The following NRCAM variants were observed in gnomAD, a reference collection of about 807,000 sequenced individuals.
NRCAM encodes the protein neuronal cell adhesion molecule.
Under a neutral mutation model 156.5 loss-of-function variants are expected in NRCAM, and 83 were observed. The ratio of observed to expected loss-of-function variants is 0.53; its 90% CI spans 0.44 to 0.64. NRCAM has a LOEUF of 0.64. NRCAM is among the 30% of genes least tolerant of loss of function. NRCAM has a pLI of 0.00. For synonymous variants in NRCAM, 538 were observed against 563.9 expected, an observed-to-expected ratio of 0.95 and a Z score of 0.65; for missense variants, 1,417 against 1,597.3, an observed-to-expected ratio of 0.89 and a Z score of 1.92.
intron 25 of NRCAM, among the ~76,000 whole-genome samples, chr7:108,179,834 T>C (rs1205891142): frequency 6.6e-6 from 1 of 152,226 alleles, no homozygotes; most frequent in East Asian, 1.9e-4. Flanking sequence ...CCAGGTGTTT[T>C]TGTTAGGTTA....
At chr7:108,210,988 G>C (rs942644416) in intron 11 of NRCAM, among the ~76,000 whole-genome samples, 3 of 152,208 alleles carry the variant, frequency 2.0e-5, no homozygotes, top group Admixed American at 1.3e-4. Flanking sequence ...GCATGTGGAG[G>C]CTTGCATCGT....
At position 108,356,182 on chromosome 7, in the gene NRCAM, C is replaced by T. The variant is rs9969259; in HGVS notation, c.-174+43254G>A. Among the ~76,000 whole-genome samples the T allele has an allele frequency of 5.3e-3, 805 of 152,222 alleles. 7 individuals carry two copies. Among genetic ancestry groups the T allele is most frequent in the African/African-American group, 0.018 (754 of 41,524 alleles). The stretch of plus-strand genomic sequence containing the variant: ...CAGGCTGGTCTCGAACTCCTGACCT[C>T]GTGATCTGCCTGCCTTGGCCTCCCA... On this transcript the variant is annotated intron_variant, in intron 2 of 32. Transcript: ENST00000379028.
chr7:108,430,957 T>C (rs1461116511), intron 1 of NRCAM, among the ~76,000 whole-genome samples: 1 of 152,180 alleles, frequency 6.6e-6, no homozygotes, highest in African/African-American at 2.4e-5. Context: ...TGAAAATCCA[T>C]AAGCTCCAGG....
At chr7:108,280,736 C>A (rs1047222426) in intron 3 of NRCAM, among the ~76,000 whole-genome samples, 7 of 152,146 alleles carry the variant, frequency 4.6e-5, no homozygotes, top group Non-Finnish European at 8.8e-5. Flanking sequence ...GGCAACACAG[C>A]GCAGCTGTTA....
At position 108,185,774 on chromosome 7, in the gene NRCAM, T is replaced by C. The variant is rs140656914; in HGVS notation, c.2036-1160A>G. Reference sequence around the variant, plus strand: ...AAGAATAGGGCTGTTCCATACGTACTGAAATGGAATGATTTCTAAAGTGTA... The same window carrying C: ...AAGAATAGGGCTGTTCCATACGTACCGAAATGGAATGATTTCTAAAGTGTA... On this transcript the variant is annotated intron_variant, in intron 20 of 32. Coordinates refer to ENST00000379028, the MANE Select transcript of NRCAM (RefSeq NM_001037132.4). Among the ~76,000 whole-genome samples the C allele has an allele frequency of 3.1e-3, 470 of 150,846 alleles. 4 individuals are homozygous for C. The highest frequency in any genetic ancestry group is 4.7e-3 in the Non-Finnish European group (322 of 67,830).
At chr7:108,226,729 T>G (rs2093525231) in intron 8 of NRCAM, among the ~76,000 whole-genome samples, 1 of 152,198 alleles carries the variant, frequency 6.6e-6, no homozygotes, top group Non-Finnish European at 1.5e-5. Flanking sequence ...TAAGTACACA[T>G]ACACATATAT....
At chr7:108,198,504 A>G (rs1338022718) in intron 13 of NRCAM, among the ~76,000 whole-genome samples, 1 of 152,128 alleles carries the variant, frequency 6.6e-6, no homozygotes, top group Non-Finnish European at 1.5e-5. Context: ...TGAGAGATGC[A>G]GAAAAAAAAC....
chr7:108,384,209 T>A (rs1449666958), intron 2 of NRCAM, among the ~76,000 whole-genome samples: 2 of 152,042 alleles, frequency 1.3e-5, no homozygotes, highest in Non-Finnish European at 2.9e-5. Context: ...TGTTTACCTA[T>A]GTAACAAACC....
intron 20 of NRCAM, 59 bp downstream of exon 20, chr7:108,189,586 A>G: frequency 1.3e-6 from 1 of 765,544 alleles, no homozygotes; most frequent in South Asian, 1.5e-5. Context: ...TGACTGTTAC[A>G]AAGTGCTTCA....
intron 13 of NRCAM, among the ~76,000 whole-genome samples, chr7:108,198,800 G>T (rs2076461057): frequency 6.6e-6 from 1 of 152,166 alleles, no homozygotes; most frequent in Admixed American, 6.5e-5. Flanking sequence ...TAAATAAATT[G>T]TGTAAATTCC....
chr7:108,339,115 T>A (rs2099244808), intron 2 of NRCAM, among the ~76,000 whole-genome samples: 2 of 152,238 alleles, frequency 1.3e-5, no homozygotes, highest in African/African-American at 4.8e-5. Context: ...TTAACACTAA[T>A]CACTGATAAT....
intron 3 of NRCAM, among the ~76,000 whole-genome samples, chr7:108,286,426 T>A (rs544900729): frequency 2.7e-4 from 40 of 148,032 alleles, no homozygotes; most frequent in African/African-American, 9.8e-4. Context: ...CTCACTGGAA[T>A]GAACAAATAA....
chr7:108,193,898 C>G (rs2073643250), intron 17 of NRCAM, 126 bp downstream of exon 17: 9 of 889,612 alleles, frequency 1.0e-5, no homozygotes, highest in Non-Finnish European at 1.3e-5. Context: ...GCTTATCTCT[C>G]TATTTTGGAG....
intron 1 of NRCAM, among the ~76,000 whole-genome samples, chr7:108,443,424 TAGAC>T (rs1323647214): frequency 6.6e-6 from 1 of 152,216 alleles, no homozygotes; most frequent in African/African-American, 2.4e-5. Context: ...TTTCTCCAAA[TAGAC>T]AGTGGTGCTG....
At chr7:108,361,990 A>G (rs1474235054) in intron 2 of NRCAM, among the ~76,000 whole-genome samples, 2 of 152,204 alleles carry the variant, frequency 1.3e-5, no homozygotes, top group Non-Finnish European at 2.9e-5. Context: ...GTATGTCAAC[A>G]TAAAAACCTG....
intron 2 of NRCAM, among the ~76,000 whole-genome samples, chr7:108,322,102 G>A (rs1055513597): frequency 2.6e-5 from 4 of 152,004 alleles, no homozygotes; most frequent in Admixed American, 2.6e-4. Flanking sequence ...AAGATGAAAT[G>A]AGGAGAAGTT....
intron 1 of NRCAM, among the ~76,000 whole-genome samples, chr7:108,455,500 G>A (rs1027029633): frequency 5.3e-5 from 8 of 152,026 alleles, no homozygotes; most frequent in Non-Finnish European, 4.4e-5. Flanking sequence ...CCCAGCCCTC[G>A]GAGGCAGGGC....
chr7:108,202,388 A>T (rs1340326163), intron 13 of NRCAM, among the ~76,000 whole-genome samples: 1 of 152,248 alleles, frequency 6.6e-6, no homozygotes, highest in Non-Finnish European at 1.5e-5. Context: ...CATTTTAAAA[A>T]GAACTTTGTG....
chr7:108,378,680 CACACACACAA>C (rs750829826), intron 2 of NRCAM, among the ~76,000 whole-genome samples: 2 of 139,222 alleles, frequency 1.4e-5, no homozygotes, highest in African/African-American at 2.7e-5. Flanking sequence ...CACACACACA[CACACACACAA>C]ACTCCAAGAC....
Sources: gnomAD v4.1 joint callset for allele counts (sites outside exome capture counted in the v4.1 genomes callset) on GRCh38, gnomAD v4.1.1 for gene constraint, MANE v1.5 for transcripts, NCBI Gene and HGNC (gene_info 2026-07-23, HGNC 2026-07-21) for gene names.